The following TMEM230 variants were observed in gnomAD, a reference collection of about 807,000 sequenced individuals.
TMEM230 encodes the protein UPF0414 transmembrane protein C20orf30.
Under a neutral mutation model 15.8 loss-of-function variants are expected in TMEM230, and 10 were observed. The observed-to-expected ratio is 0.63, with a 90% CI of 0.39 to 1.07. The LOEUF (loss-of-function observed/expected upper bound fraction) is 1.07, where lower values mean the gene tolerates loss of function less well. TMEM230 is among the 50% of genes least tolerant of loss of function. The probability of loss-of-function intolerance (pLI) is 0.01; values close to 1 mark genes in which losing one functional copy is unlikely to be tolerated. For missense variants in TMEM230, 165 were observed against 193.3 expected (o/e 0.85, Z 0.87); for synonymous variants, 67 against 76.9 (o/e 0.87, Z 0.68).
rs746499447 is a variant in TMEM230, at chr20:5,111,583, T to C, written c.91A>G (p.Arg31Gly). ...GAGATCACACCACTGGGCTCCAGCCTGGGCGACAGAACTAGACTCCATCTA... is the reference window on the plus strand; with the variant it reads ...GAGATCACACCACTGGGCTCCAGCCCGGGCGACAGAACTAGACTCCATCTA... Residue 31 changes from arginine to glycine, a missense_variant, in exon 2 of 5, where the codon AGG (arginine) becomes GGG (glycine). Physicochemically the swap from Arg to Gly is moderately radical, Grantham distance 125. Transcript: ENST00000342308. The C allele has an allele frequency of 7.6e-6, 1 of 132,350 alleles. No homozygotes were observed. The highest frequency in any genetic ancestry group is 1.5e-4 in the South Asian group (1 of 6,674). The allele number at this position is 132,350 out of a possible 1,614,324, so 8.2% of individuals were successfully genotyped here. A position where few individuals can be genotyped will look rare whatever the true frequency, so the allele number is the denominator to read the frequency against.
chr20:5,107,220 T>C (rs1156400380), intron 3 of TMEM230, among the ~76,000 whole-genome samples: 2 of 152,184 alleles, frequency 1.3e-5, no homozygotes, highest in Non-Finnish European at 2.9e-5. Flanking sequence ...GAGGATGGCT[T>C]GAGCCCAGGA....
intron 2 of TMEM230, 22 bp from the exon 2 acceptor site, chr20:5,109,467 C>T: frequency 1.3e-6 from 2 of 1,578,220 alleles, no homozygotes; most frequent in Non-Finnish European, 1.7e-6. Context: ...AAACAAAAAA[C>T]CCGTTATTGT....
Position 5,069,280 on chromosome 20 carries a change from T to C in TMEM230, c.292A>G (p.Met98Val), listed in dbSNP as rs148412505. The C allele has an allele frequency of 2.8e-4, 435 of 1,536,024 alleles. 1 individual carries two copies. The highest frequency in any genetic ancestry group is 1.7e-3 in the South Asian group (145 of 84,060). ...CTCCTCCCACTGATGCCTCCCATCA[T>C]GTACCCACGGGATGCTGGTAGATGT... The change falls in exon 4 of 4, where the codon ATG becomes GTG. Residue 98 changes from methionine to valine, a missense_variant. Met to Val is a conservative substitution (Grantham distance 21). Transcript: ENST00000612323.
intron 3 of TMEM230, among the ~76,000 whole-genome samples, chr20:5,076,487 G>A (rs2089000076): frequency 6.6e-6 from 1 of 151,762 alleles, no homozygotes; most frequent in Admixed American, 6.6e-5. Context: ...GTTGCAGTGA[G>A]CTGAGAGCGC....
intron 3 of TMEM230, 125 bp from the exon 3 acceptor site, chr20:5,106,435 T>G (rs1600402272): frequency 4.1e-6 from 5 of 1,216,398 alleles, no homozygotes; most frequent in East Asian, 5.7e-5. Context: ...TGGAGTTTCG[T>G]TCTTGTTGCC....
chr20:5,080,496 G>C (rs2089148290), intron 3 of TMEM230, among the ~76,000 whole-genome samples: 1 of 152,074 alleles, frequency 6.6e-6, no homozygotes, highest in South Asian at 2.1e-4. Context: ...ACTGGCTTAG[G>C]GAAGGAATGA....
downstream of TMEM230, chr20:5,067,409 TCATATATATATATATA>T (rs1258979716): frequency 1.4e-5 from 1 of 73,812 alleles, no homozygotes; most frequent in African/African-American, 5.1e-5. Context: ...GTGTTTAGGC[TCATATATATATATATA>T]TATATATATA....
At chr20:5,112,700 C>T (rs1033826517) in intron 1 of TMEM230, 12 of 1,417,842 alleles carry the variant, frequency 8.5e-6, no homozygotes, top group South Asian at 1.5e-5. Context: ...GTTTGGCACA[C>T]AGTGCCTGGC....
At chr20:5,081,143 T>C (rs1407011) in intron 3 of TMEM230, among the ~76,000 whole-genome samples, 82,120 of 152,086 alleles carry the variant, frequency 0.54, 22,688 homozygotes, top group East Asian at 0.84. Flanking sequence ...AGTGCTTCTT[T>C]AACTAGAAGT....
At chr20:5,092,967 A>G (rs1427023577) in intron 3 of TMEM230, among the ~76,000 whole-genome samples, 2 of 152,172 alleles carry the variant, frequency 1.3e-5, no homozygotes, top group Non-Finnish European at 2.9e-5. Flanking sequence ...CTCACCACTT[A>G]TATTTGACAT....
chr20:5,106,515 T>C (rs2090100275), intron 3 of TMEM230, among the ~76,000 whole-genome samples: 1 of 152,136 alleles, frequency 6.6e-6, no homozygotes, highest in Admixed American at 6.5e-5. Flanking sequence ...GTGATTCTCC[T>C]GTCTCAGCCT....
chr20:5,065,173 C>T (rs2088639830), downstream of TMEM230, among the ~76,000 whole-genome samples: 1 of 151,984 alleles, frequency 6.6e-6, no homozygotes, highest in African/African-American at 2.4e-5. Flanking sequence ...GATCCCAGCA[C>T]TTTGGGAGGC....
At chr20:5,072,742 G>A (rs990696425) in intron 3 of TMEM230, among the ~76,000 whole-genome samples, 4 of 150,378 alleles carry the variant, frequency 2.7e-5, no homozygotes, top group Non-Finnish European at 4.4e-5. Flanking sequence ...CCAGCTACAC[G>A]GGAGGCTGAG....
intron 1 of TMEM230, chr20:5,112,726 A>G (rs1021943087): frequency 6.9e-7 from 1 of 1,440,148 alleles, no homozygotes. Context: ...GCGCCTCTAC[A>G]TACGTTATTC....
chr20:5,097,900 G>T (rs954355124), downstream of TMEM230, among the ~76,000 whole-genome samples: 2 of 149,418 alleles, frequency 1.3e-5, no homozygotes, highest in Admixed American at 6.7e-5. Context: ...GTGAGCCACC[G>T]TACCAGGCCC....
At chr20:5,102,880 G>A (rs139941967) in intron 4 of TMEM230, among the ~76,000 whole-genome samples, 159 of 152,156 alleles carry the variant, frequency 1.0e-3, no homozygotes, top group African/African-American at 3.6e-3. Flanking sequence ...TCAATAAGGA[G>A]GATAATACTA....
At chr20:5,089,156 C>T (rs186234224) in intron 3 of TMEM230, among the ~76,000 whole-genome samples, 7 of 152,200 alleles carry the variant, frequency 4.6e-5, no homozygotes, top group African/African-American at 1.7e-4. Context: ...AGGCAGATCA[C>T]GAGGTCAGAA....
chr20:5,071,978 T>C (rs915737588), intron 3 of TMEM230, among the ~76,000 whole-genome samples: 10 of 152,278 alleles, frequency 6.6e-5, no homozygotes, highest in Middle Eastern at 3.4e-3. Context: ...CTTGAATGCC[T>C]GGCCTCAAGT....
chr20:5,111,632 A>T lies in TMEM230; in HGVS notation c.69-27T>A, dbSNP rs2090328096. On this transcript the variant is annotated intron_variant, in intron 1 of 4. Transcript: ENST00000342308. ...TAAAAAAAAAAAAAAAAAAAAAAAA[A>T]AAAAAAAAAAAAAAATTCAGTATTT... 2 of 121,848 alleles carry T rather than the reference A, an allele frequency of 1.6e-5. 1 individual carries two copies. The highest frequency in any genetic ancestry group is 7.9e-5 in the African/African-American group (2 of 25,378). The allele number at this position is 121,848 out of a possible 1,614,324, so 7.5% of individuals were successfully genotyped here.
Sources: gnomAD v4.1 joint callset for allele counts (sites outside exome capture counted in the v4.1 genomes callset) on GRCh38, gnomAD v4.1.1 for gene constraint, MANE v1.5 for transcripts, NCBI Gene and HGNC (gene_info 2026-07-23, HGNC 2026-07-21) for gene names.